The following TMEM278 variants were observed in gnomAD, a reference collection of about 807,000 sequenced individuals.
TMEM278 encodes transmembrane protein 88B.
the TMEM278 span, among the ~76,000 whole-genome samples, chr1:1,428,147 A>G: frequency 1.1e-4 from 3 of 28,248 alleles, no homozygotes; most frequent in Non-Finnish European, 1.3e-4. Flanking sequence ...GGGGAGGCAA[A>G]GAGAGGGGAG....
At chr1:1,427,901 G>A in the TMEM278 span, 2 of 1,044,494 alleles carry the variant, frequency 1.9e-6, no homozygotes, top group Non-Finnish European at 2.5e-6. Flanking sequence ...GGCTGGGCGC[G>A]CAGCGCTCCC....
chr1:1,426,003 G>T, the TMEM278 span: 1 of 1,253,186 alleles, frequency 8.0e-7, no homozygotes, highest in Non-Finnish European at 1.0e-6. Context: ...CAGGGTCCAC[G>T]GTCTGGCTGG....
chr1:1,426,241 C>T, the TMEM278 span: 6 of 1,478,172 alleles, frequency 4.1e-6, no homozygotes, highest in South Asian at 1.3e-5. Context: ...CCCTGACGTG[C>T]CCAGGGTGGT....
At chr1:1,430,205 C>A in the TMEM278 span, among the ~76,000 whole-genome samples, 3 of 152,196 alleles carry the variant, frequency 2.0e-5, no homozygotes, top group African/African-American at 7.2e-5. Flanking sequence ...GAGATATTTA[C>A]TTTCTTGGAA....
the TMEM278 span, chr1:1,426,237 C>G: frequency 1.4e-6 from 2 of 1,461,550 alleles, no homozygotes; most frequent in South Asian, 1.4e-5. Flanking sequence ...TCAGCCCTGA[C>G]GTGCCCAGGG....
chr1:1,427,909 C>T, the TMEM278 span: 1 of 990,802 alleles, frequency 1.0e-6, no homozygotes, highest in Non-Finnish European at 1.3e-6. Flanking sequence ...GCGCAGCGCT[C>T]CCGGCTTACG....
chr1:1,427,155 A>G, the TMEM278 span, among the ~76,000 whole-genome samples: 1 of 69,924 alleles, frequency 1.4e-5, no homozygotes, highest in Non-Finnish European at 2.8e-5. Context: ...TCTATCGCCC[A>G]CTCCTCTCTC....
chr1:1,428,638 C>T, the TMEM278 span, among the ~76,000 whole-genome samples: 1 of 152,168 alleles, frequency 6.6e-6, no homozygotes, highest in Non-Finnish European at 1.5e-5. Flanking sequence ...TTCTTTTACC[C>T]CCTCATCAAA....
the TMEM278 span, chr1:1,426,103 G>C: frequency 1.5e-6 from 2 of 1,371,860 alleles, no homozygotes; most frequent in Non-Finnish European, 1.9e-6. Context: ...CACCGCCCGG[G>C]CCACAGGCCT....
At chr1:1,427,903 A>G in the TMEM278 span, 1 of 993,924 alleles carries the variant, frequency 1.0e-6, no homozygotes, top group Non-Finnish European at 1.3e-6. Flanking sequence ...CTGGGCGCGC[A>G]GCGCTCCCGG....
At chr1:1,429,444 TTAGA>T in the TMEM278 span, among the ~76,000 whole-genome samples, 1 of 152,244 alleles carries the variant, frequency 6.6e-6, no homozygotes, top group Non-Finnish European at 1.5e-5. Context: ...TGCTTGCTTT[TTAGA>T]TTACAGTTTC....
chr1:1,429,931 G>C, the TMEM278 span, among the ~76,000 whole-genome samples: 1 of 152,238 alleles, frequency 6.6e-6, no homozygotes, highest in Non-Finnish European at 1.5e-5. Context: ...TGAGCTCCTA[G>C]CTCTCTGCAG....
At chr1:1,429,954 A>C in the TMEM278 span, among the ~76,000 whole-genome samples, 2 of 152,228 alleles carry the variant, frequency 1.3e-5, no homozygotes, top group East Asian at 3.8e-4. Context: ...TCGCCCTCCC[A>C]GGCTCAAGTG....
At chr1:1,426,700 T>A in the TMEM278 span, among the ~76,000 whole-genome samples, 1 of 151,970 alleles carries the variant, frequency 6.6e-6, no homozygotes, top group African/African-American at 2.4e-5. Context: ...AAAATGTCGT[T>A]GAAGTTTCAC....
the TMEM278 span, among the ~76,000 whole-genome samples, chr1:1,428,659 C>A: frequency 2.0e-5 from 3 of 152,208 alleles, no homozygotes; most frequent in African/African-American, 4.8e-5. Context: ...TTACTCCCTT[C>A]CGTCTAATCT....
chr1:1,427,835 A>T, the TMEM278 span: 2 of 1,341,236 alleles, frequency 1.5e-6, no homozygotes, highest in Middle Eastern at 2.5e-4. Context: ...CTCGCGCGCG[A>T]CCCCATCGCG....
the TMEM278 span, chr1:1,427,603 G>C: frequency 7.9e-7 from 1 of 1,264,914 alleles, no homozygotes; most frequent in Admixed American, 3.6e-5. Context: ...TCAGACCGCG[G>C]CTCCGCGGCG....
chr1:1,426,168 G>A, the TMEM278 span: 17 of 1,417,234 alleles, frequency 1.2e-5, no homozygotes, highest in Non-Finnish European at 1.2e-5. Context: ...GAGGAGGGGG[G>A]AGGTGGTGCT....
At chr1:1,426,098 C>G in the TMEM278 span, 1 of 1,366,208 alleles carries the variant, frequency 7.3e-7, no homozygotes, top group Non-Finnish European at 9.5e-7. Context: ...TTGAGCACCG[C>G]CCGGGCCACA....
Sources: gnomAD v4.1 joint callset for allele counts (sites outside exome capture counted in the v4.1 genomes callset) on GRCh38, gnomAD v4.1.1 for gene constraint, MANE v1.5 for transcripts, NCBI Gene and HGNC (gene_info 2026-07-23, HGNC 2026-07-21) for gene names.